Variants in BOP1 observed in about 807,000 individuals in gnomAD.
BOP1 encodes BOP1 ribosomal biogenesis factor.
A neutral mutation model predicts 82.9 loss-of-function variants in BOP1; 54 were observed. That is an observed-to-expected ratio of 0.65 (90% CI 0.52 to 0.82). BOP1 has a LOEUF of 0.82. BOP1 is among the 40% of genes least tolerant of loss of function. The pLI, the probability that BOP1 is intolerant of heterozygous loss-of-function variation, is 0.00. For missense variants in BOP1, 1,170 were observed against 1,072.0 expected (o/e 1.09, Z -1.28); for synonymous variants, 566 against 451.1 (o/e 1.25, Z -3.23).
intron 2 of BOP1, among the ~76,000 whole-genome samples, chr8:144,276,699 C>T (rs1168394614): frequency 6.6e-6 from 1 of 152,248 alleles, no homozygotes; most frequent in Admixed American, 6.5e-5. Flanking sequence ...AGGGGCCCCA[C>T]ATGGCGCTCC....
At position 144,291,152 on chromosome 8, in the gene BOP1, ACCGATTCACTGGGCGCGG is replaced by A; in HGVS notation, c.99+102_99+119del. The A allele has an allele frequency of 1.3e-6, 1 of 788,448 alleles. No individual in the cohort carries two copies. Among genetic ancestry groups the A allele is most frequent in the Non-Finnish European group, 1.7e-6 (1 of 587,028 alleles). The allele number at this position is 788,448 out of a possible 1,614,324, so 48.8% of individuals were successfully genotyped here. On this transcript the variant is annotated intron_variant, in intron 1 of 15. Transcript: ENST00000569669. This position sits in a 1 kb window ranked among gnomAD's most constrained non-coding sequence, Gnocchi z 4.1. ...TAGAGGAGCTGCACCCACGCCCAAG[ACCGATTCACTGGGCGCGG>A]GCGCCCAGGTGACAGAAGCCGGGCC...
intron 2 of BOP1, among the ~76,000 whole-genome samples, chr8:144,276,745 G>A (rs1470343407): frequency 1.3e-5 from 2 of 152,208 alleles, no homozygotes; most frequent in African/African-American, 2.4e-5. Context: ...CAGCATGGTC[G>A]GGGGGAAGAA....
chr8:144,283,201 C>CAA lies in BOP1; in HGVS notation c.309+5892_309+5893dup, dbSNP rs60868806. Among the ~76,000 whole-genome samples the CAA allele has an allele frequency of 2.1e-3, 115 of 54,234 alleles. 2 individuals are homozygous for CAA. The highest frequency in any genetic ancestry group is 7.9e-3 in the African/African-American group (58 of 7,354). 35.6% of individuals were successfully genotyped at this position (54,234 alleles called of 152,430 possible). On this transcript the variant is annotated intron_variant, in intron 2 of 15. Transcript: ENST00000569669. ...CGATAAGAGCAAAAAAACTCCATCTCAAAAAAAAAAAAAAAAAAAAAAAAG... is the reference window on the plus strand; with the variant it reads ...CGATAAGAGCAAAAAAACTCCATCTCAAAAAAAAAAAAAAAAAAAAAAAAAAG...
chr8:144,285,073 G>T (rs1564603398), intron 2 of BOP1, among the ~76,000 whole-genome samples: 1 of 152,208 alleles, frequency 6.6e-6, no homozygotes, highest in South Asian at 2.1e-4. Context: ...ATTTATGGAG[G>T]AGGCTCTCTG....
At chr8:144,268,520 A>ACCCCCAG (rs1196404238) in intron 3 of BOP1, 2 of 290,956 alleles carry the variant, frequency 6.9e-6, no homozygotes, top group African/African-American at 2.2e-5. Context: ...TTCAGAATCC[A>ACCCCCAG]CCCCCAGCCC....
intron 3 of BOP1, among the ~76,000 whole-genome samples, chr8:144,270,374 C>G: frequency 6.6e-6 from 1 of 152,176 alleles, no homozygotes; most frequent in East Asian, 1.9e-4. Flanking sequence ...AGAAAGTGAA[C>G]AGGGAACAAC....
At chr8:144,277,382 C>T (rs1845583819) in intron 2 of BOP1, among the ~76,000 whole-genome samples, 1 of 152,236 alleles carries the variant, frequency 6.6e-6, no homozygotes, top group Non-Finnish European at 1.5e-5. Flanking sequence ...ACAGCCGCAG[C>T]AGATCCGTGA....
At chr8:144,279,117 G>A (rs140640222) in intron 2 of BOP1, among the ~76,000 whole-genome samples, 3 of 42,130 alleles carry the variant, frequency 7.1e-5, no homozygotes, top group African/African-American at 1.1e-4. Context: ...GGCCACGACC[G>A]CCATGGGCCA....
chr8:144,263,111 C>T lies in BOP1; in HGVS notation c.1636G>A (p.Gly546Arg), dbSNP rs1845265596. 4 of 1,593,508 alleles carry T rather than the reference C, an allele frequency of 2.5e-6. No homozygotes were observed. The highest frequency in any genetic ancestry group is 2.2e-5 in the South Asian group (2 of 90,394). The change falls in exon 13 of 16, where the codon GGG becomes AGG. Residue 546 changes from glycine (G) to arginine (R), a missense_variant. By Grantham distance (125) the Gly-to-Arg change is moderately radical. Transcript: ENST00000569669. The part of the protein sequence containing the change: ...PVTQVTWHGR[G>R]DYLAVVLATQ... ...GCCAGCACCACGGCCAGGTAGTCCC[C>T]ACGCCCGTGCCAGGTCACCTGCGTC... is the stretch of plus-strand genomic sequence containing the variant.
chr8:144,264,516 T>G lies in BOP1; in HGVS notation c.764A>C (p.Lys255Thr). 1 of 1,609,606 alleles carries G rather than the reference T, an allele frequency of 6.2e-7. No homozygotes were observed. The highest frequency in any genetic ancestry group is 8.5e-7 in the Non-Finnish European group (1 of 1,178,888). ...SFIPSLVEKE[K>T]VSRMVHAIKM... ...AGCCCCAGGGGCTGTGTGCCCCACC[T>G]TCTCCTTCTCCACCAGGGAGGGGAT... The change falls in exon 6 of 16, where the codon AAG becomes ACG. Residue 255 changes from lysine (K) to threonine (T), a missense_variant and splice_region_variant. Physicochemically the swap from Lys to Thr is moderately conservative, Grantham distance 78. Transcript: ENST00000569669.
At chr8:144,271,651 G>T (rs1845494666) in intron 3 of BOP1, among the ~76,000 whole-genome samples, 1 of 151,964 alleles carries the variant, frequency 6.6e-6, no homozygotes, top group South Asian at 2.1e-4. Context: ...CCTACTGAAG[G>T]TTCCAGCAGG....
chr8:144,273,023 CCG>C (rs1845515890), intron 3 of BOP1, among the ~76,000 whole-genome samples: 1 of 152,182 alleles, frequency 6.6e-6, no homozygotes, highest in Admixed American at 6.5e-5. Flanking sequence ...GGGTGGATGG[CCG>C]CCAGGGAGAT....
intron 1 of BOP1, among the ~76,000 whole-genome samples, chr8:144,290,591 A>T (rs1016882379): frequency 3.2e-4 from 49 of 152,228 alleles, no homozygotes; most frequent in African/African-American, 1.1e-3. Flanking sequence ...GCCTGGGCGC[A>T]AACAACTGGC....
At chr8:144,270,983 G>A (rs1428287399) in intron 3 of BOP1, among the ~76,000 whole-genome samples, 1 of 152,068 alleles carries the variant, frequency 6.6e-6, no homozygotes, top group East Asian at 1.9e-4. Context: ...ATTCATCACG[G>A]TCGCCTGCGC....
At chr8:144,265,168 T>A (rs1564595411) in intron 3 of BOP1, 97 bp from the exon 4 acceptor site, 5 of 1,420,568 alleles carry the variant, frequency 3.5e-6, no homozygotes, top group Non-Finnish European at 3.9e-6. Context: ...GCAGGGGGAG[T>A]GCAGGCCCAG....
chr8:144,274,876 A>AGCCGACAGGATGTGGCT (rs1352811743), intron 3 of BOP1, among the ~76,000 whole-genome samples: 11 of 152,344 alleles, frequency 7.2e-5, no homozygotes, highest in Non-Finnish European at 1.2e-4. Context: ...ATAAAAAAGT[A>AGCCGACAGGATGTGGCT]GCCGACAGGA....
intron 2 of BOP1, chr8:144,281,794 G>GA (rs1564602245): frequency 1.3e-5 from 2 of 151,940 alleles, no homozygotes; most frequent in Admixed American, 6.6e-5. Flanking sequence ...CATGTTGGCC[G>GA]GGCTGGTCTC....
At chr8:144,273,260 G>A (rs1206419614) in intron 3 of BOP1, among the ~76,000 whole-genome samples, 1 of 152,234 alleles carries the variant, frequency 6.6e-6, no homozygotes, top group Non-Finnish European at 1.5e-5. Flanking sequence ...CTTGGCGCGA[G>A]AGCAGAGGGG....
At position 144,262,150 on chromosome 8, in the gene BOP1, G is replaced by T; in HGVS notation, c.*14C>A. 1 of 1,612,002 alleles carries T rather than the reference G, an allele frequency of 6.2e-7. No homozygotes were observed. Among genetic ancestry groups the T allele is most frequent in the South Asian group, 1.1e-5 (1 of 91,034 alleles). ...CTTCAGCACGACCACCCCAGCCCCA[G>T]GCAGGCAGAACAGCTAGGTGAAGAG... is the stretch of plus-strand genomic sequence containing the variant. On this transcript the variant is annotated 3_prime_UTR_variant, in exon 16 of 16. Transcript: ENST00000569669.
Sources: allele counts gnomAD v4.1 joint callset (sites outside exome capture counted in the v4.1 genomes callset), GRCh38; gene constraint gnomAD v4.1.1; non-coding constraint Gnocchi (gnomAD v3.1); transcripts MANE v1.5; gene names NCBI Gene and HGNC (gene_info 2026-07-23, HGNC 2026-07-21).